Variants in DNAH10 observed in about 807,000 individuals in gnomAD.
DNAH10 encodes the protein dynein axonemal heavy chain 10.
Under a neutral mutation model 506.6 loss-of-function variants are expected in DNAH10, and 348 were observed. The ratio of observed to expected loss-of-function variants is 0.69; its 90% CI spans 0.63 to 0.75. The LOEUF (loss-of-function observed/expected upper bound fraction) is 0.75, where lower values mean the gene tolerates loss of function less well. DNAH10 is among the 30% of genes least tolerant of loss of function. DNAH10 has a pLI of 0.00. For missense variants in DNAH10, 5,179 were observed against 5,787.1 expected (o/e 0.89, Z 3.41); for synonymous variants, 2,059 against 2,198.6 (o/e 0.94, Z 1.78).
At chr12:123,767,059 C>G (rs56399357) in intron 1 of DNAH10, among the ~76,000 whole-genome samples, 28,660 of 151,788 alleles carry the variant, frequency 0.19, 2,928 homozygotes, top group Middle Eastern at 0.28. Flanking sequence ...GCGCGCACCA[C>G]CACACCCAGC....
At chr12:123,863,065 GA>G (rs1417146460) in intron 39 of DNAH10, among the ~76,000 whole-genome samples, 2 of 151,686 alleles carry the variant, frequency 1.3e-5, no homozygotes, top group Admixed American at 1.3e-4. Flanking sequence ...AAGCTAAAAG[GA>G]AAAAAATACA....
At chr12:123,767,075 T>C (rs534011644) in intron 1 of DNAH10, among the ~76,000 whole-genome samples, 1 of 151,904 alleles carries the variant, frequency 6.6e-6, no homozygotes, top group East Asian at 1.9e-4. Context: ...CCAGCTAATT[T>C]TTTTGTATTT....
intron 47 of DNAH10, among the ~76,000 whole-genome samples, chr12:123,876,983 A>AT (rs1219339368): frequency 6.6e-6 from 1 of 152,148 alleles, no homozygotes; most frequent in Non-Finnish European, 1.5e-5. Flanking sequence ...ATAACACAAA[A>AT]TTCGTTATTA....
Position 123,866,059 on chromosome 12 carries a change from C to T in DNAH10, c.7153C>T (p.Gln2385Ter), listed in dbSNP as rs759527714. The change falls in exon 41 of 79, where the codon CAA becomes TAA. Residue 2385 changes from glutamine (Q) to a stop codon, truncating the protein, a stop_gained. Transcript: ENST00000673944. LOFTEE classifies it high-confidence loss of function. ...YRPYWKKWVN[Q>*]IPNKVEQYNL... ...ACCATACTGGAAAAAATGGGTTAAT[C>T]AAATACCAAACAAGGTGAAATTTTT... The T allele has an allele frequency of 1.2e-6, 2 of 1,605,618 alleles. No homozygotes were observed. The highest frequency in any genetic ancestry group is 2.2e-5 in the South Asian group (2 of 89,052).
intron 3 of DNAH10, 39 bp from the exon 4 acceptor site, chr12:123,772,795 T>C (rs1957303044): frequency 2.1e-6 from 3 of 1,452,390 alleles, no homozygotes; most frequent in Non-Finnish European, 2.8e-6. Context: ...TGAATGGATG[T>C]ATCACAAGAA....
At chr12:123,780,268 C>T (rs890047003) in intron 5 of DNAH10, among the ~76,000 whole-genome samples, 8 of 151,838 alleles carry the variant, frequency 5.3e-5, no homozygotes, top group Non-Finnish European at 7.4e-5. Context: ...CTGGTTCAAG[C>T]AATTCTCATG....
At chr12:123,799,547 C>T (rs927668207) in intron 14 of DNAH10, among the ~76,000 whole-genome samples, 176 bp downstream of exon 14, 2 of 152,040 alleles carry the variant, frequency 1.3e-5, no homozygotes, top group Admixed American at 1.3e-4. Context: ...GATGCCATGG[C>T]TAGGACGCGG....
intron 16 of DNAH10, 44 bp from the exon 17 acceptor site, chr12:123,803,617 C>T: frequency 6.8e-7 from 1 of 1,473,188 alleles, no homozygotes; most frequent in Non-Finnish European, 9.0e-7. Context: ...TGTGGAAAGA[C>T]AGAGTTGGAA....
rs1955311197 is a variant in DNAH10, at chr12:123,933,409, G to A, written c.13375G>A (p.Ala4459Thr). The A allele has an allele frequency of 6.2e-7, 1 of 1,612,086 alleles. No homozygotes were observed. The highest frequency in any genetic ancestry group is 2.2e-5 in the East Asian group (1 of 44,836). Residue 4459 changes from alanine to threonine, a missense_variant, in exon 77 of 79, where the codon GCC becomes ACC. By Grantham distance (58) the Ala-to-Thr change is moderately conservative. Around this residue, in one of 3 missense-constraint regions of DNAH10, gnomAD observed 4,844 missense variants for 5,430.5 expected, o/e 0.89. Coordinates refer to ENST00000673944, the MANE Select transcript of DNAH10 (RefSeq NM_001372106.1). ...PESYLTALVQ[A>T]TCRKNGWPLD... ...GTCCTACCTCACGGCGCTGGTGCAG[G>A]CCACCTGCCGGAAGAACGGCTGGCC...
At position 123,902,925 on chromosome 12, in the gene DNAH10, G is replaced by C. The variant is rs1185296117; in HGVS notation, c.9641-14G>C. The C allele has an allele frequency of 6.4e-7, 1 of 1,571,646 alleles. No homozygotes were observed. Among genetic ancestry groups the C allele is most frequent in the Admixed American group, 1.9e-5 (1 of 53,350 alleles). ...TGAGCCCAAGCTTTACTCACCCCCT[G>C]TCCTACCCTGCAGCCGAGGAGAAGA... On this transcript the variant is annotated splice_polypyrimidine_tract_variant and intron_variant, in intron 56 of 78. Coordinates refer to ENST00000673944, the MANE Select transcript of DNAH10 (RefSeq NM_001372106.1). This position sits in a 1 kb window ranked among gnomAD's most constrained non-coding sequence, Gnocchi z 4.5.
intron 43 of DNAH10, among the ~76,000 whole-genome samples, chr12:123,869,395 T>G (rs933063610): frequency 1.3e-5 from 2 of 151,814 alleles, no homozygotes; most frequent in African/African-American, 2.4e-5. Context: ...CTGTCTTCTC[T>G]GCCTGTCTAA....
chr12:123,893,875 A>G (rs1181152600), intron 53 of DNAH10, among the ~76,000 whole-genome samples: 1 of 152,132 alleles, frequency 6.6e-6, no homozygotes, highest in Non-Finnish European at 1.5e-5. Context: ...TCTAGTGGGT[A>G]GAAGCCAGGG....
Position 123,813,921 on chromosome 12 carries a change from A to C in DNAH10, c.3780+9A>C. On this transcript the variant is annotated intron_variant, in intron 21 of 78. Transcript: ENST00000673944. ...CAATGTATAACCTCTTTGTAAGTCA[A>C]CTTGTATTTTCTTATTCATTTAACA... 1.9e-6 allele frequency: 3 copies of C among 1,567,730 alleles called. No individual in the cohort carries two copies. The highest frequency in any genetic ancestry group is 2.6e-6 in the Non-Finnish European group (3 of 1,164,400).
In DNAH10 at chr12:123,835,693, T is replaced by A. The variant is rs868634245; in HGVS notation, c.4902+165T>A. ...AGGCTGGAGTGCAGTGATGTGATCGTGGCTCCCTGTAGCCTTGAACTTATG... is the reference window on the plus strand; with the variant it reads ...AGGCTGGAGTGCAGTGATGTGATCGAGGCTCCCTGTAGCCTTGAACTTATG... On this transcript the variant is annotated intron_variant, in intron 28 of 78. Transcript: ENST00000673944. Among the ~76,000 whole-genome samples the A allele has an allele frequency of 5.3e-5, 8 of 152,328 alleles. No individual in the cohort carries two copies. The South Asian group carries it at 1.5e-3, about 28-fold the overall frequency.
In DNAH10 at chr12:123,893,374, A is replaced by T; in HGVS notation, c.9137A>T (p.His3046Leu). ...YFVNKSANNL[H>L]IVLGMSPVGD... ...GTGAACAAAAGTGCAAATAACCTGC[A>T]CATTGTCCTGGGCATGTCGCCAGTG... Residue 3046 changes from histidine (H) to leucine (L), a missense_variant, in exon 53 of 79, where the codon CAC becomes CTC. Coordinates refer to ENST00000673944, the MANE Select transcript of DNAH10 (RefSeq NM_001372106.1). 1 of 1,613,894 alleles carries T rather than the reference A, an allele frequency of 6.2e-7. No homozygotes were observed. The highest frequency in any genetic ancestry group is 8.5e-7 in the Non-Finnish European group (1 of 1,179,898).
intron 13 of DNAH10, among the ~76,000 whole-genome samples, chr12:123,798,435 A>T (rs1958359060): frequency 6.6e-6 from 1 of 152,160 alleles, no homozygotes; most frequent in African/African-American, 2.4e-5. Flanking sequence ...ACTTGAGCAG[A>T]TCTCCCAAGA....
intron 29 of DNAH10, among the ~76,000 whole-genome samples, chr12:123,839,215 TA>T (rs575224560): frequency 0.01 from 1,307 of 126,864 alleles, 12 homozygotes; most frequent in African/African-American, 0.033. Flanking sequence ...TTTTATAAAC[TA>T]AAAAAAAAAA....
chr12:123,877,703 G>T lies in DNAH10; in HGVS notation c.8200-33G>T, dbSNP rs936481328. On this transcript the variant is annotated intron_variant, in intron 47 of 78. Transcript: ENST00000673944. ...TTCACTCATCTACTGAAGGACATTT[G>T]TGTGTTGGGGGGGGTGTCTTTGCAT... is the stretch of plus-strand genomic sequence containing the variant. 8.4e-6 allele frequency: 13 copies of T among 1,551,988 alleles called. No homozygotes were observed. The African/African-American group carries it at 1.1e-4, about 14-fold the overall frequency.
In DNAH10 at chr12:123,877,739, T is replaced by A. The variant is rs1249049446; in HGVS notation, c.8203T>A (p.Phe2735Ile). The change falls in exon 48 of 79, where the codon TTT (phenylalanine) becomes ATT (isoleucine). Residue 2735 changes from phenylalanine (F) to isoleucine (I), a missense_variant. Around this residue, in one of 3 missense-constraint regions of DNAH10, gnomAD observed 4,844 missense variants for 5,430.5 expected, o/e 0.89. Transcript: ENST00000673944. ...SSILKGHTST[F>I]HESIVAVSGK... ...GGGGTGTCTTTGCATTTTTCAGACG[T>A]TTCATGAGAGCATTGTGGCTGTGAG... 6.2e-7 allele frequency: 1 copy of A among 1,612,274 alleles called. No homozygotes were observed. The highest frequency in any genetic ancestry group is 1.1e-5 in the South Asian group (1 of 90,708).
Sources: allele counts gnomAD v4.1 joint callset (sites outside exome capture counted in the v4.1 genomes callset), GRCh38; gene constraint gnomAD v4.1.1; regional missense constraint gnomAD v4.1.1; non-coding constraint Gnocchi (gnomAD v3.1); transcripts MANE v1.5; gene names NCBI Gene and HGNC (gene_info 2026-07-23, HGNC 2026-07-21).